Variants in EFCAB11 observed in about 807,000 individuals in gnomAD.
The protein encoded by EFCAB11 is EF-hand calcium binding domain 11.
A neutral mutation model predicts 23.0 loss-of-function variants in EFCAB11; 14 were observed. The observed-to-expected ratio is 0.61, with a 90% confidence interval of 0.40 to 0.95. EFCAB11 has a LOEUF of 0.95. Among genes scored for constraint, EFCAB11 ranks in the 40% least tolerant of loss-of-function variants. EFCAB11 has a pLI of 0.00. For missense variants in EFCAB11, 198 were observed against 195.8 expected (o/e 1.01, Z -0.07); for synonymous variants, 65 against 66.6 (o/e 0.98, Z 0.11).
chr14:89,881,452 C>CATATATATATATATATATATATATATAT (rs10530483), intron 5 of EFCAB11, among the ~76,000 whole-genome samples: 2,688 of 45,904 alleles, frequency 0.059, 527 homozygotes, highest in Non-Finnish European at 0.078. Flanking sequence ...TATGACTTGG[C>CATATATATATATATATATATATATATAT]ATATATATAT....
chr14:89,855,175 T>A (rs1323146876), intron 5 of EFCAB11, among the ~76,000 whole-genome samples: 2 of 152,076 alleles, frequency 1.3e-5, no homozygotes, highest in Non-Finnish European at 2.9e-5. Context: ...AGCTTCTTTT[T>A]TTTTTTTTTA....
rs1890427293 is a variant in EFCAB11, at chr14:89,932,542, T to C, written c.303A>G (p.Thr101=). The C allele has an allele frequency of 6.2e-7, 1 of 1,613,668 alleles. No homozygotes were observed. The highest frequency in any genetic ancestry group is 8.5e-7 in the Non-Finnish European group (1 of 1,179,886). Reference sequence around the variant, plus strand: ...GACACTTACAGTAGGTGTCAAAGGCTGTGAAGATGTGTCTTACTTCGTTCC... The same window carrying C: ...GACACTTACAGTAGGTGTCAAAGGCCGTGAAGATGTGTCTTACTTCGTTCC... The part of the protein sequence containing the change: ...RYRNEVRHIF[T]AFDTYYRGFL... The change falls in exon 4 of 6, where the codon ACA becomes ACG. Residue 101 remains threonine (T), a synonymous_variant. Coordinates refer to ENST00000316738, the MANE Select transcript of EFCAB11 (RefSeq NM_145231.4).
At chr14:89,809,824 C>T (rs1886092190) in intron 5 of EFCAB11, among the ~76,000 whole-genome samples, 1 of 152,148 alleles carries the variant, frequency 6.6e-6, no homozygotes, top group African/African-American at 2.4e-5. Context: ...CAATGACCAC[C>T]TCTTTAAAAG....
chr14:89,854,383 C>G (rs920118220), intron 5 of EFCAB11, among the ~76,000 whole-genome samples: 9 of 152,234 alleles, frequency 5.9e-5, no homozygotes, highest in African/African-American at 1.9e-4. Context: ...CATCCACTAG[C>G]AAGAGGCTGC....
intron 5 of EFCAB11, chr14:89,836,613 A>C (rs529706989): frequency 2.2e-6 from 1 of 456,764 alleles, no homozygotes; most frequent in East Asian, 6.9e-5. Flanking sequence ...CAGGAAATTG[A>C]TGAATCCCAA....
At chr14:89,954,535 A>G in intron 1 of EFCAB11, 51 bp downstream of exon 1, 2 of 1,604,262 alleles carry the variant, frequency 1.2e-6, no homozygotes, top group South Asian at 1.1e-5. Flanking sequence ...AGGAAGCGAG[A>G]GGCCCAGGCC....
intron 5 of EFCAB11, among the ~76,000 whole-genome samples, chr14:89,910,646 CATAA>C (rs1360060594): frequency 7.4e-6 from 1 of 135,860 alleles, no homozygotes; most frequent in Non-Finnish European, 1.5e-5. Context: ...TACATACATA[CATAA>C]AAATGTCTAG....
chr14:89,936,020 A>C (rs1316959059), intron 3 of EFCAB11, among the ~76,000 whole-genome samples: 4 of 152,148 alleles, frequency 2.6e-5, no homozygotes, highest in Non-Finnish European at 5.9e-5. Context: ...AAAAAGAAAA[A>C]AAAAAACCCA....
At chr14:89,919,188 G>C (rs900364207) in intron 5 of EFCAB11, among the ~76,000 whole-genome samples, 1 of 132,480 alleles carries the variant, frequency 7.5e-6, no homozygotes, top group Non-Finnish European at 1.5e-5. Flanking sequence ...CACTTGATGA[G>C]AGAGAGAGAG....
At chr14:89,911,254 G>T (rs758178030) in intron 5 of EFCAB11, among the ~76,000 whole-genome samples, 1 of 152,210 alleles carries the variant, frequency 6.6e-6, no homozygotes, top group Non-Finnish European at 1.5e-5. Flanking sequence ...AGGCATTGCC[G>T]TGTGCCCTGG....
At chr14:89,865,703 C>T (rs1053860962) in intron 5 of EFCAB11, among the ~76,000 whole-genome samples, 6 of 151,752 alleles carry the variant, frequency 4.0e-5, no homozygotes, top group Non-Finnish European at 4.4e-5. Flanking sequence ...CTCACTCTGT[C>T]GCCCAGCCTG....
At chr14:89,808,651 C>T (rs1886052937) in intron 5 of EFCAB11, among the ~76,000 whole-genome samples, 1 of 152,086 alleles carries the variant, frequency 6.6e-6, no homozygotes, top group African/African-American at 2.4e-5. Context: ...CATTTAAAAC[C>T]TCTGGGTCTG....
At chr14:89,916,867 GT>G (rs1165334623) in intron 5 of EFCAB11, among the ~76,000 whole-genome samples, 1 of 152,076 alleles carries the variant, frequency 6.6e-6, no homozygotes. Flanking sequence ...ACTTTTATTT[GT>G]TTCTTATATC....
At chr14:89,864,345 T>A (rs1888020122) in intron 5 of EFCAB11, among the ~76,000 whole-genome samples, 1 of 152,214 alleles carries the variant, frequency 6.6e-6, no homozygotes. Flanking sequence ...CGGTCTACCC[T>A]AAAAACAATT....
At position 89,794,944 on chromosome 14, in the gene EFCAB11, G is replaced by T. The variant is rs2140065628; in HGVS notation, c.*2299C>A. The T allele has an allele frequency of 7.2e-6, 1 of 138,502 alleles. No individual in the cohort carries two copies. The highest frequency in any genetic ancestry group is 2.6e-5 in the African/African-American group (1 of 37,816). The allele number at this position is 138,502 out of a possible 1,614,324, so 8.6% of individuals were successfully genotyped here. A position where few individuals can be genotyped will look rare whatever the true frequency, so the allele number is the denominator to read the frequency against. Reference sequence around the variant, plus strand: ...TACATTATTATTAGCTAAAGTCCATGCTTGATTTGTTTCTACTTAATGTCT... The same window carrying T: ...TACATTATTATTAGCTAAAGTCCATTCTTGATTTGTTTCTACTTAATGTCT... On this transcript the variant is annotated 3_prime_UTR_variant, in exon 6 of 6. Coordinates refer to ENST00000316738, the MANE Select transcript of EFCAB11 (RefSeq NM_145231.4).
chr14:89,815,711 A>T (rs1470294734), intron 5 of EFCAB11, among the ~76,000 whole-genome samples: 1 of 152,136 alleles, frequency 6.6e-6, no homozygotes, highest in African/African-American at 2.4e-5. Context: ...GGCGTGAGTC[A>T]TCGCGCCCGG....
intron 5 of EFCAB11, among the ~76,000 whole-genome samples, chr14:89,903,873 AT>A (rs1889411331): frequency 6.6e-6 from 1 of 152,152 alleles, no homozygotes; most frequent in African/African-American, 2.4e-5. Flanking sequence ...TCAGGCGCTA[AT>A]GTGGCAAAAG....
At chr14:89,820,509 T>C (rs1364881940) in intron 5 of EFCAB11, among the ~76,000 whole-genome samples, 4 of 151,840 alleles carry the variant, frequency 2.6e-5, no homozygotes, top group Non-Finnish European at 5.9e-5. Context: ...ATCTCAGTGC[T>C]GCACACTAGA....
At chr14:89,886,377 G>A (rs1888772705) in intron 5 of EFCAB11, among the ~76,000 whole-genome samples, 1 of 151,950 alleles carries the variant, frequency 6.6e-6, no homozygotes, top group African/African-American at 2.4e-5. Context: ...AATGAGCCGG[G>A]CGTGGTGGCG....
Sources: gnomAD v4.1 joint callset for allele counts (sites outside exome capture counted in the v4.1 genomes callset) on GRCh38, gnomAD v4.1.1 for gene constraint, MANE v1.5 for transcripts, NCBI Gene and HGNC (gene_info 2026-07-23, HGNC 2026-07-21) for gene names.